Variants in FOXN2 observed in about 807,000 individuals in gnomAD.
FOXN2 encodes forkhead box protein N2.
FOXN2 carries 19 observed loss-of-function variants against 41.2 expected under a neutral mutation model. The observed-to-expected ratio is 0.46, with a 90% CI of 0.32 to 0.68. FOXN2 has a LOEUF of 0.68. Ranked by LOEUF, FOXN2 falls within the 30% of genes least tolerant of loss-of-function variation. The probability of loss-of-function intolerance (pLI) is 0.03; values close to 1 mark genes in which losing one functional copy is unlikely to be tolerated. For missense variants in FOXN2, 587 were observed against 509.4 expected, an observed-to-expected ratio of 1.15 and a Z score of -1.47; for synonymous variants, 195 against 176.8, an observed-to-expected ratio of 1.10 and a Z score of -0.82.
chr2:48,362,845 T>C lies in FOXN2; in HGVS notation c.703+138T>C, dbSNP rs1333041318. 5 of 700,276 alleles carry C rather than the reference T, an allele frequency of 7.1e-6. No individual in the cohort carries two copies. In the East Asian group the frequency reaches 1.3e-4, roughly 18 times the overall value. The allele number at this position is 700,276 out of a possible 1,614,324, so 43.4% of individuals were successfully genotyped here. On this transcript the variant is annotated intron_variant, in intron 5 of 6. Coordinates refer to ENST00000340553, the MANE Select transcript of FOXN2 (RefSeq NM_002158.4). ...ATTGCCTGGTGCCCTGGTAGCTTGT[T>C]GTAACATTGTGGCACAACGCATTTA...
intron 1 of FOXN2, among the ~76,000 whole-genome samples, chr2:48,319,056 A>G (rs927895507): frequency 6.6e-6 from 1 of 152,212 alleles, no homozygotes; most frequent in Non-Finnish European, 1.5e-5. Flanking sequence ...ACTGTTAACT[A>G]TCTTCCTATC....
intron 2 of FOXN2, chr2:48,340,679 T>G (rs906293157): frequency 6.6e-6 from 1 of 152,210 alleles, no homozygotes; most frequent in African/African-American, 2.4e-5. Flanking sequence ...TTTATTTATT[T>G]ATTGATGTCT....
At chr2:48,342,831 C>T (rs759777984) in intron 2 of FOXN2, among the ~76,000 whole-genome samples, 67 of 152,148 alleles carry the variant, frequency 4.4e-4, no homozygotes, top group Middle Eastern at 6.3e-3. Context: ...ATAATGTCAG[C>T]ACTTGGTTTT....
At chr2:48,321,229 C>T (rs536779137) in intron 1 of FOXN2, among the ~76,000 whole-genome samples, 1 of 151,996 alleles carries the variant, frequency 6.6e-6, no homozygotes, top group East Asian at 1.9e-4. Flanking sequence ...GAAATTTTGA[C>T]CAGCTTTTAT....
chr2:48,321,479 T>G (rs1669313629), intron 1 of FOXN2, among the ~76,000 whole-genome samples: 1 of 152,136 alleles, frequency 6.6e-6, no homozygotes. Context: ...GAGCTTGCAG[T>G]GAGCCGAGAT....
chr2:48,323,353 A>G (rs1444497862), intron 1 of FOXN2, among the ~76,000 whole-genome samples: 1 of 152,150 alleles, frequency 6.6e-6, no homozygotes, highest in Non-Finnish European at 1.5e-5. Flanking sequence ...ATTCCCACCA[A>G]CAGTGTATGC....
At chr2:48,342,324 T>A (rs918686856) in intron 2 of FOXN2, among the ~76,000 whole-genome samples, 4 of 152,138 alleles carry the variant, frequency 2.6e-5, no homozygotes, top group African/African-American at 9.7e-5. Flanking sequence ...GTAAGTTGTT[T>A]ATAGTTTTCC....
chr2:48,341,982 G>A (rs1213403636), intron 2 of FOXN2, among the ~76,000 whole-genome samples: 1 of 152,174 alleles, frequency 6.6e-6, no homozygotes, highest in Admixed American at 6.5e-5. Flanking sequence ...ATAAGTCCAT[G>A]ACCTTTTTAA....
At chr2:48,329,881 T>C (rs1669923352) in intron 2 of FOXN2, among the ~76,000 whole-genome samples, 2 of 152,128 alleles carry the variant, frequency 1.3e-5, no homozygotes, top group Admixed American at 1.3e-4. Flanking sequence ...TTAGATATTC[T>C]GAGATTATAG....
chr2:48,372,167 A>T (rs1260583928), intron 5 of FOXN2, among the ~76,000 whole-genome samples: 3 of 152,192 alleles, frequency 2.0e-5, no homozygotes, highest in African/African-American at 7.2e-5. Flanking sequence ...GCTGTGGATC[A>T]TGAGGTCACA....
At position 48,346,275 on chromosome 2, in the gene FOXN2, A is replaced by G; in HGVS notation, c.61A>G (p.Ile21Val). 1 of 1,614,162 alleles carries G rather than the reference A, an allele frequency of 6.2e-7. No homozygotes were observed. Among genetic ancestry groups the G allele is most frequent in the Middle Eastern group, 1.6e-4 (1 of 6,062 alleles). The stretch of plus-strand genomic sequence containing the variant: ...AGCTGAAACCCCAGGAGCTGAAAAG[A>G]TTGCAGGATTAAGCCAGATTTACAA... ...KRAETPGAEK[I>V]AGLSQIYKMG... Residue 21 changes from isoleucine to valine, a missense_variant, in exon 3 of 7, where the codon ATT becomes GTT. Ile to Val is a conservative substitution (Grantham distance 29). Coordinates refer to ENST00000340553, the MANE Select transcript of FOXN2 (RefSeq NM_002158.4).
At chr2:48,324,595 C>A (rs925945201) in intron 1 of FOXN2, among the ~76,000 whole-genome samples, 1 of 151,990 alleles carries the variant, frequency 6.6e-6, no homozygotes, top group Admixed American at 6.6e-5. Context: ...GTATAATTTT[C>A]CCTTTGTACT....
chr2:48,314,471 C>G (rs555702930), upstream of FOXN2, among the ~76,000 whole-genome samples: 493 of 152,360 alleles, frequency 3.2e-3, 5 homozygotes, highest in African/African-American at 0.011. Flanking sequence ...CCGTGCCAGG[C>G]AGCCAGCCGG....
chr2:48,320,415 CG>C (rs1669223826), intron 1 of FOXN2, among the ~76,000 whole-genome samples: 1 of 151,958 alleles, frequency 6.6e-6, no homozygotes, highest in South Asian at 2.1e-4. Context: ...CTCAGCCTCC[CG>C]AATAGCTAGG....
chr2:48,325,411 G>A (rs2104146584), intron 1 of FOXN2, among the ~76,000 whole-genome samples: 1 of 152,150 alleles, frequency 6.6e-6, no homozygotes, highest in South Asian at 2.1e-4. Flanking sequence ...CATTTTATGT[G>A]TGTGTGTGTA....
chr2:48,337,157 T>C (rs1670420062), intron 2 of FOXN2, among the ~76,000 whole-genome samples: 1 of 152,060 alleles, frequency 6.6e-6, no homozygotes, highest in Non-Finnish European at 1.5e-5. Context: ...TCTTAGACGT[T>C]CATGATTTCA....
intron 2 of FOXN2, among the ~76,000 whole-genome samples, chr2:48,337,664 C>G (rs1670456771): frequency 6.6e-6 from 1 of 152,050 alleles, no homozygotes; most frequent in South Asian, 2.1e-4. Flanking sequence ...TTGATGGACA[C>G]TTAGGCTGCT....
intron 2 of FOXN2, among the ~76,000 whole-genome samples, chr2:48,345,864 C>A (rs1395901678): frequency 3.3e-5 from 5 of 152,088 alleles, no homozygotes; most frequent in Admixed American, 3.3e-4. Context: ...AATAGCCTGT[C>A]CACTTTAAGT....
At chr2:48,339,604 C>T (rs938391510) in intron 2 of FOXN2, among the ~76,000 whole-genome samples, 1 of 152,092 alleles carries the variant, frequency 6.6e-6, no homozygotes, top group Non-Finnish European at 1.5e-5. Flanking sequence ...ATACAGTAGT[C>T]ATCAGATTGG....
Sources: gnomAD v4.1 joint callset for allele counts (sites outside exome capture counted in the v4.1 genomes callset) on GRCh38, gnomAD v4.1.1 for gene constraint, MANE v1.5 for transcripts, NCBI Gene and HGNC (gene_info 2026-07-23, HGNC 2026-07-21) for gene names.